Variants in ASIC2 observed in about 807,000 individuals in gnomAD.
The protein encoded by ASIC2 is acid-sensing ion channel 2.
Under a neutral mutation model 57.3 loss-of-function variants are expected in ASIC2, and 25 were observed. That is an observed-to-expected ratio of 0.44 (90% CI 0.32 to 0.61). ASIC2 has a LOEUF of 0.61. Among genes scored for constraint, ASIC2 ranks in the 20% least tolerant of loss-of-function variants. The pLI is 0.06. For synonymous variants in ASIC2, 319 were observed against 307.5 expected (o/e 1.04, Z -0.39); for missense variants, 641 against 738.1 (o/e 0.87, Z 1.52).
chr17:33,753,599 T>A (rs1910501071), intron 1 of ASIC2, among the ~76,000 whole-genome samples: 1 of 152,176 alleles, frequency 6.6e-6, no homozygotes, highest in South Asian at 2.1e-4. Context: ...TGCAGCCGTG[T>A]GGTGGAGGAA....
At chr17:33,510,573 A>T (rs1914400806) in intron 1 of ASIC2, among the ~76,000 whole-genome samples, 1 of 152,180 alleles carries the variant, frequency 6.6e-6, no homozygotes, top group Non-Finnish European at 1.5e-5. Flanking sequence ...TCGAGTCTGC[A>T]GTGAGTTGTG....
intron 1 of ASIC2, among the ~76,000 whole-genome samples, chr17:34,012,999 T>C (rs572889986): frequency 6.6e-6 from 1 of 151,982 alleles, no homozygotes; most frequent in East Asian, 1.9e-4. Context: ...CTGCTTTGAG[T>C]CAGGAAGCAG....
chr17:33,708,764 C>T (rs1383328950), intron 1 of ASIC2, among the ~76,000 whole-genome samples: 1 of 152,140 alleles, frequency 6.6e-6, no homozygotes, highest in Non-Finnish European at 1.5e-5. Flanking sequence ...TCACAATCTC[C>T]TTGGCTATCT....
chr17:33,095,561 G>T (rs1288179214), intron 2 of ASIC2, among the ~76,000 whole-genome samples: 2 of 152,214 alleles, frequency 1.3e-5, no homozygotes, highest in Non-Finnish European at 2.9e-5. Flanking sequence ...TGCCACCGAG[G>T]TGCTGAAAGG....
chr17:33,161,156 G>C (rs1331560036), intron 1 of ASIC2, among the ~76,000 whole-genome samples: 1 of 152,214 alleles, frequency 6.6e-6, no homozygotes, highest in Non-Finnish European at 1.5e-5. Flanking sequence ...GCTGTCTCCT[G>C]TGCTGAGAAA....
At chr17:34,072,520 G>A (rs1598007657) in intron 1 of ASIC2, among the ~76,000 whole-genome samples, 1 of 152,138 alleles carries the variant, frequency 6.6e-6, no homozygotes, top group Non-Finnish European at 1.5e-5. Flanking sequence ...TTTACCCCAG[G>A]TTCTAAAAGC....
chr17:33,375,612 C>G (rs556135904), intron 1 of ASIC2, among the ~76,000 whole-genome samples: 3 of 152,068 alleles, frequency 2.0e-5, no homozygotes, highest in Non-Finnish European at 4.4e-5. Flanking sequence ...GACTGACTAC[C>G]GGGACTGCAA....
In ASIC2 at chr17:34,034,999, T is replaced by C. The variant is rs556052824; in HGVS notation, c.555+120979A>G. ...GCTACCAATGACTTTCTTCACAGAA[T>C]TGGAAAAAACTACTTTAAAGTTCAT... On this transcript the variant is annotated intron_variant, in intron 1 of 9. Coordinates refer to the ASIC2 transcript ENST00000359872. 3.6e-4 allele frequency among the ~76,000 whole-genome samples: 55 copies of C among 151,826 alleles called. No homozygotes were observed. The South Asian group carries it at 7.7e-3, about 21-fold the overall frequency.
chr17:33,210,429 C>T (rs1451322245), intron 1 of ASIC2, among the ~76,000 whole-genome samples: 1 of 152,142 alleles, frequency 6.6e-6, no homozygotes, highest in Non-Finnish European at 1.5e-5. Context: ...ATGATGTCTG[C>T]AAGATTAAAC....
intron 1 of ASIC2, among the ~76,000 whole-genome samples, chr17:33,557,398 G>A (rs1915939781): frequency 6.6e-6 from 1 of 152,140 alleles, no homozygotes; most frequent in Admixed American, 6.5e-5. Flanking sequence ...TATGTGCTAA[G>A]TGCAATGTTA....
intron 1 of ASIC2, among the ~76,000 whole-genome samples, chr17:34,073,833 T>C (rs1909519056): frequency 6.6e-6 from 1 of 152,198 alleles, no homozygotes; most frequent in Non-Finnish European, 1.5e-5. Context: ...CTCATCGGAC[T>C]GTGAATCTCA....
In ASIC2 at chr17:33,964,688, C is replaced by T. The variant is rs1040846154; in HGVS notation, c.555+191290G>A. 3.1e-4 allele frequency among the ~76,000 whole-genome samples: 47 copies of T among 152,226 alleles called. 5 individuals are homozygous for T. The highest frequency in any genetic ancestry group is 1.5e-5 in the Non-Finnish European group (1 of 68,032). ...CACCCCCTCTGCTGCTACACCCCAT[C>T]TGGCCACATATCCCTCAGATTGTTG... is the stretch of plus-strand genomic sequence containing the variant. On this transcript the variant is annotated intron_variant, in intron 1 of 9. Coordinates refer to the ASIC2 transcript ENST00000359872.
At chr17:33,808,452 G>A (rs926262250) in intron 1 of ASIC2, among the ~76,000 whole-genome samples, 1 of 152,154 alleles carries the variant, frequency 6.6e-6, no homozygotes, top group African/African-American at 2.4e-5. Context: ...CTTGAAGTTG[G>A]GTAGTGTCAG....
At chr17:34,037,658 G>A (rs1907941343) in intron 1 of ASIC2, 28 of 1,613,254 alleles carry the variant, frequency 1.7e-5, no homozygotes, top group Non-Finnish European at 2.4e-5. Flanking sequence ...CCCAGAGGTT[G>A]ATGCAATAGC....
chr17:33,506,669 C>T (rs993803925), intron 1 of ASIC2, among the ~76,000 whole-genome samples: 6 of 152,192 alleles, frequency 3.9e-5, no homozygotes, highest in African/African-American at 1.4e-4. Context: ...AAAAGAATCA[C>T]TAAACCAGGG....
At chr17:33,054,378 G>A (rs558905784) in intron 3 of ASIC2, among the ~76,000 whole-genome samples, 1 of 152,292 alleles carries the variant, frequency 6.6e-6, no homozygotes, top group East Asian at 1.9e-4. Context: ...CTGGGCCTCA[G>A]TTTCCCCATA....
chr17:33,047,985 C>A (rs2091961863), intron 3 of ASIC2, among the ~76,000 whole-genome samples: 2 of 152,178 alleles, frequency 1.3e-5, no homozygotes, highest in African/African-American at 4.8e-5. Flanking sequence ...CCCTTACCCC[C>A]AGTGTGACAA....
At chr17:33,280,316 A>G (rs575991016) in intron 1 of ASIC2, among the ~76,000 whole-genome samples, 18 of 152,308 alleles carry the variant, frequency 1.2e-4, no homozygotes, top group South Asian at 4.2e-4. Flanking sequence ...CAACAACAAC[A>G]AAAAAGGCTC....
At chr17:34,131,640 C>T (rs1003916) in intron 1 of ASIC2, among the ~76,000 whole-genome samples, 19,477 of 152,254 alleles carry the variant, frequency 0.13, 1,729 homozygotes, top group Middle Eastern at 0.23. Flanking sequence ...TCTTCCTGAG[C>T]CTAAACCCTG....
Sources: gnomAD v4.1 joint callset for allele counts (sites outside exome capture counted in the v4.1 genomes callset) on GRCh38, gnomAD v4.1.1 for gene constraint, MANE v1.5 for transcripts, NCBI Gene and HGNC (gene_info 2026-07-23, HGNC 2026-07-21) for gene names.